The following EPHB2 variants were observed in gnomAD, a reference collection of about 807,000 sequenced individuals.
EPHB2 encodes the protein EPH receptor B2.
Under a neutral mutation model 96.4 loss-of-function variants are expected in EPHB2, and 18 were observed. That is an observed-to-expected ratio of 0.19 (90% CI 0.13 to 0.28). The LOEUF (loss-of-function observed/expected upper bound fraction) is 0.28, where lower values mean the gene tolerates loss of function less well. Ranked by LOEUF, EPHB2 falls within the 10% of genes least tolerant of loss-of-function variation. The probability of loss-of-function intolerance (pLI) is 1.00; values close to 1 mark genes in which losing one functional copy is unlikely to be tolerated. For synonymous variants in EPHB2, 506 were observed against 534.1 expected (o/e 0.95, Z 0.72); for missense variants, 989 against 1,355.4 (o/e 0.73, Z 4.25).
At chr1:22,892,014 C>G (rs1639407234) in intron 6 of EPHB2, among the ~76,000 whole-genome samples, 1 of 149,456 alleles carries the variant, frequency 6.7e-6, no homozygotes, top group African/African-American at 2.5e-5. Flanking sequence ...CCAGACTGGT[C>G]TCAAACTACT....
chr1:22,814,325 A>G (rs72653696), intron 3 of EPHB2, among the ~76,000 whole-genome samples: 235 of 152,300 alleles, frequency 1.5e-3, no homozygotes, highest in Non-Finnish European at 3.0e-3. Context: ...TATCTGAGAA[A>G]CAACGAAGAG....
chr1:22,715,386 G>C (rs956457680), intron 1 of EPHB2, among the ~76,000 whole-genome samples: 3 of 152,122 alleles, frequency 2.0e-5, no homozygotes, highest in East Asian at 1.9e-4. Context: ...CTTCTGATGG[G>C]GGGTGGGGGA....
At chr1:22,781,873 T>C (rs2817903) in intron 2 of EPHB2, among the ~76,000 whole-genome samples, 108,906 of 152,058 alleles carry the variant, frequency 0.72, 40,829 homozygotes, top group Non-Finnish European at 0.83. Context: ...GGAGAGGAAT[T>C]ATCTCCATTT....
At position 22,751,225 on chromosome 1, in the gene EPHB2, C is replaced by T. The variant is rs77816477; in HGVS notation, c.62-30196C>T. On this transcript the variant is annotated intron_variant, in intron 1 of 15. Transcript: ENST00000374630. ...AGGGGATGGGACCTAGCAGAGGTCA[C>T]ACAGCGAGTGAGCCTGGAGGCTGCC... 6.6e-3 allele frequency among the ~76,000 whole-genome samples: 1,003 copies of T among 152,280 alleles called. 54 individuals carry two copies. The East Asian group carries it at 0.14, about 21-fold the overall frequency.
intron 5 of EPHB2, among the ~76,000 whole-genome samples, chr1:22,879,123 G>A (rs1238073806): frequency 6.6e-6 from 1 of 152,154 alleles, no homozygotes; most frequent in African/African-American, 2.4e-5. Flanking sequence ...GCAGGGGTGG[G>A]AGGCATCTCT....
At chr1:22,768,840 T>A (rs1295940615) in intron 1 of EPHB2, among the ~76,000 whole-genome samples, 1 of 152,014 alleles carries the variant, frequency 6.6e-6, no homozygotes, top group East Asian at 1.9e-4. Context: ...CGAGACACCT[T>A]TTCCCCTTCT....
Position 22,865,015 on chromosome 1 carries a change from G to A in EPHB2, c.1106G>A (p.Arg369Gln), listed in dbSNP as rs141626076. 1.2e-3 allele frequency: 1,891 copies of A among 1,612,012 alleles called. 28 individuals are homozygous for A. Among genetic ancestry groups the A allele is most frequent in the African/African-American group, 1.4e-3 (106 of 75,006 alleles). The change falls in exon 5 of 16, where the codon CGG (arginine) becomes CAG (glutamine). Residue 369 changes from arginine to glutamine, a missense_variant. Coordinates refer to ENST00000374630, the MANE Select transcript of EPHB2 (RefSeq NM_017449.5). ...NIICKSCGSG[R>Q]GACTRCGDNV... ...ATCTGCAAGAGCTGTGGCTCGGGCC[G>A]GGGTGCCTGCACCCGCTGCGGGGAC...
intron 9 of EPHB2, 35 bp from the exon 10 acceptor site, chr1:22,905,952 C>T: frequency 6.2e-7 from 1 of 1,614,086 alleles, no homozygotes; most frequent in Non-Finnish European, 8.5e-7. Context: ...CATCTTGAGT[C>T]AGTCCATATG....
intron 1 of EPHB2, among the ~76,000 whole-genome samples, chr1:22,736,555 G>A (rs1311122013): frequency 6.6e-6 from 1 of 152,300 alleles, no homozygotes; most frequent in East Asian, 1.9e-4. Context: ...TGGGAGCCTC[G>A]GTGGGGCCTG....
At chr1:22,750,495 C>T (rs548953093) in intron 1 of EPHB2, among the ~76,000 whole-genome samples, 7 of 152,310 alleles carry the variant, frequency 4.6e-5, no homozygotes, top group South Asian at 2.1e-4. Flanking sequence ...CATTAAATAA[C>T]GCTGAATCAC....
intron 3 of EPHB2, among the ~76,000 whole-genome samples, chr1:22,842,692 C>G (rs1308783007): frequency 6.6e-6 from 1 of 152,190 alleles, no homozygotes; most frequent in East Asian, 1.9e-4. Flanking sequence ...CTGTTTCCCA[C>G]TCAGTTCCCC....
At chr1:22,900,513 G>A (rs1433813872) in intron 9 of EPHB2, among the ~76,000 whole-genome samples, 14 of 152,116 alleles carry the variant, frequency 9.2e-5, no homozygotes, top group Admixed American at 9.2e-4. Context: ...CTCAGGGATG[G>A]AGCAGGGGTA....
At chr1:22,760,605 G>A (rs925236332) in intron 1 of EPHB2, among the ~76,000 whole-genome samples, 1 of 152,198 alleles carries the variant, frequency 6.6e-6, no homozygotes, top group Non-Finnish European at 1.5e-5. Flanking sequence ...CTGGCCACAG[G>A]AGGGAGGACA....
intron 5 of EPHB2, among the ~76,000 whole-genome samples, chr1:22,879,303 C>G (rs1258048518): frequency 6.6e-6 from 1 of 152,206 alleles, no homozygotes; most frequent in African/African-American, 2.4e-5. Flanking sequence ...CTTCCCGGGC[C>G]AGCACAAGGG....
rs1220263416 is a variant in EPHB2, at chr1:22,795,485, TG to T, written c.811+10410del. Among the ~76,000 whole-genome samples, 1,162 of 152,236 alleles carry T rather than the reference TG, an allele frequency of 7.6e-3. 13 individuals carry two copies. The highest frequency in any genetic ancestry group is 0.027 in the African/African-American group (1,104 of 41,540). ...GTTTCCGTTTTGTTTTGTTTTGTTT[TG>T]TTTTGTTTTGCCCCCATAGCTTGGT... On this transcript the variant is annotated intron_variant, in intron 3 of 15. Coordinates refer to ENST00000374630, the MANE Select transcript of EPHB2 (RefSeq NM_017449.5).
chr1:22,886,715 C>T (rs532873793), intron 6 of EPHB2, among the ~76,000 whole-genome samples: 23 of 151,334 alleles, frequency 1.5e-4, no homozygotes, highest in African/African-American at 4.4e-4. Context: ...CAACCTCTGC[C>T]TCCCGGATTC....
At position 22,906,960 on chromosome 1, in the gene EPHB2, A is replaced by G; in HGVS notation, c.2136+3A>G. 6.2e-7 allele frequency: 1 copy of G among 1,604,740 alleles called. No individual in the cohort carries two copies. ...GCTCCCTGGACTCCTTTCTCCGGGT[A>G]GGGGAAGCCAAGAGGGCCAGGGGCC... On this transcript the variant is annotated splice_donor_region_variant and intron_variant, in intron 11 of 15. Coordinates refer to ENST00000374630, the MANE Select transcript of EPHB2 (RefSeq NM_017449.5). This position sits in a 1 kb window ranked among gnomAD's most constrained non-coding sequence, Gnocchi z 4.8.
At chr1:22,728,245 A>G (rs1460598025) in intron 1 of EPHB2, among the ~76,000 whole-genome samples, 1 of 152,220 alleles carries the variant, frequency 6.6e-6, no homozygotes. Context: ...TGAATGAATG[A>G]ATAAGGAATA....
At chr1:22,822,174 T>C (rs1645160908) in intron 3 of EPHB2, among the ~76,000 whole-genome samples, 1 of 152,016 alleles carries the variant, frequency 6.6e-6, no homozygotes, top group Non-Finnish European at 1.5e-5. Context: ...TAAAGCAAAA[T>C]GGAGAAGGGT....
Sources: gnomAD v4.1 joint callset for allele counts (sites outside exome capture counted in the v4.1 genomes callset) on GRCh38, gnomAD v4.1.1 for gene constraint, Gnocchi (gnomAD v3.1) non-coding constraint, MANE v1.5 for transcripts, NCBI Gene and HGNC (gene_info 2026-07-23, HGNC 2026-07-21) for gene names.